The following GLI2 variants were observed in gnomAD, a reference collection of about 807,000 sequenced individuals.
The protein encoded by GLI2 is transcription activator GLI2.
In GLI2, 22 loss-of-function variants were observed where a neutral mutation model predicts 78.9. The ratio of observed to expected loss-of-function variants is 0.28; its 90% CI spans 0.20 to 0.40. The LOEUF (loss-of-function observed/expected upper bound fraction) is 0.40. Among genes scored for constraint, GLI2 ranks in the 10% least tolerant of loss-of-function variants. The pLI, the probability that GLI2 is intolerant of heterozygous loss-of-function variation, is 1.00. For missense variants in GLI2, 2,097 were observed against 2,213.2 expected, an observed-to-expected ratio of 0.95 and a Z score of 1.05; for synonymous variants, 974 against 963.7, an observed-to-expected ratio of 1.01 and a Z score of -0.20.
intron 2 of GLI2, among the ~76,000 whole-genome samples, chr2:120,828,751 C>T (rs748519512): frequency 1.1e-4 from 17 of 149,940 alleles, no homozygotes; most frequent in Admixed American, 2.0e-4. Context: ...CCAAACAAAA[C>T]GGTAAAATGA....
intron 1 of GLI2, among the ~76,000 whole-genome samples, chr2:120,755,528 G>A (rs1683012905): frequency 6.6e-6 from 1 of 151,958 alleles, no homozygotes. Flanking sequence ...ATCCCAGCCT[G>A]TGGCTTATCT....
intron 3 of GLI2, among the ~76,000 whole-genome samples, chr2:120,934,969 G>A (rs1680124135): frequency 6.6e-6 from 1 of 152,186 alleles, no homozygotes; most frequent in Admixed American, 6.5e-5. Flanking sequence ...GGGCCTTTAT[G>A]ACTCTGTCCT....
chr2:120,899,720 C>T (rs1043605263), intron 2 of GLI2, among the ~76,000 whole-genome samples: 1 of 152,180 alleles, frequency 6.6e-6, no homozygotes, highest in Non-Finnish European at 1.5e-5. Flanking sequence ...TGCCCATCTT[C>T]CTCTTTCTTG....
intron 2 of GLI2, among the ~76,000 whole-genome samples, chr2:120,844,674 G>A (rs1056732795): frequency 2.6e-5 from 4 of 152,156 alleles, no homozygotes; most frequent in African/African-American, 9.7e-5. Context: ...GGAGGTTGTG[G>A]TTTCAGTTTG....
At chr2:120,835,586 A>T (rs1460155693) in intron 2 of GLI2, among the ~76,000 whole-genome samples, 1 of 152,020 alleles carries the variant, frequency 6.6e-6, no homozygotes, top group Non-Finnish European at 1.5e-5. Context: ...GGGTTTCACC[A>T]TGTTGACCAG....
At chr2:120,887,955 C>T (rs914994813) in intron 2 of GLI2, among the ~76,000 whole-genome samples, 3 of 152,236 alleles carry the variant, frequency 2.0e-5, no homozygotes, top group Admixed American at 2.0e-4. Context: ...GAGAGGGGAG[C>T]TGCAGCTTGG....
intron 3 of GLI2, among the ~76,000 whole-genome samples, chr2:120,948,607 A>G (rs1161747680): frequency 6.6e-6 from 1 of 152,274 alleles, no homozygotes; most frequent in African/African-American, 2.4e-5. Context: ...CGGGCCTCTC[A>G]GGGGAGGCTC....
At chr2:120,923,027 C>T (rs1479490980) in intron 2 of GLI2, among the ~76,000 whole-genome samples, 1 of 152,096 alleles carries the variant, frequency 6.6e-6, no homozygotes, top group Non-Finnish European at 1.5e-5. Context: ...CCTCCTCCAA[C>T]ACACACCACA....
Position 120,927,464 on chromosome 2 carries a change from C to G in GLI2, c.252C>G (p.His84Gln). The G allele has an allele frequency of 6.2e-7, 1 of 1,601,922 alleles. No individual in the cohort carries two copies. The highest frequency in any genetic ancestry group is 8.6e-7 in the Non-Finnish European group (1 of 1,168,914). Residue 84 changes from histidine (H) to glutamine (Q), a missense_variant and splice_region_variant, in exon 3 of 14, where the codon CAC becomes CAG. Transcript: ENST00000361492. ...HYEPHSVHGV[H>Q]GPPALSGSPV... ...AGCCTCATTCTGTCCACGGTGTGCA[C>G]GGGTAAGTCCTGCCCTCTGCCTGCT...
intron 2 of GLI2, among the ~76,000 whole-genome samples, chr2:120,798,678 T>C (rs955503325): frequency 1.3e-5 from 2 of 152,054 alleles, no homozygotes; most frequent in Admixed American, 6.5e-5. Flanking sequence ...GGACGGGGAC[T>C]CTCTAGGCCC....
intron 2 of GLI2, among the ~76,000 whole-genome samples, chr2:120,854,615 A>G (rs1195782912): frequency 6.6e-6 from 1 of 152,186 alleles, no homozygotes; most frequent in Non-Finnish European, 1.5e-5. Flanking sequence ...CACGATGTGT[A>G]TGTTCTGAGG....
intron 3 of GLI2, among the ~76,000 whole-genome samples, chr2:120,932,744 A>G (rs779111959): frequency 6.6e-6 from 1 of 152,230 alleles, no homozygotes; most frequent in Non-Finnish European, 1.5e-5. Flanking sequence ...TATGAGCAAC[A>G]ATCGTGATCA....
chr2:120,896,660 C>CACAT (rs1349007343), intron 2 of GLI2, among the ~76,000 whole-genome samples: 1 of 29,554 alleles, frequency 3.4e-5, no homozygotes, highest in African/African-American at 1.3e-4. Context: ...CACACACACA[C>CACAT]ATACACCCAC....
At chr2:120,971,656 G>A (rs1323357818) in intron 7 of GLI2, among the ~76,000 whole-genome samples, 1 of 152,198 alleles carries the variant, frequency 6.6e-6, no homozygotes, top group Admixed American at 6.5e-5. Flanking sequence ...CAGGAGCAAG[G>A]GCACCCTGCA....
intron 2 of GLI2, among the ~76,000 whole-genome samples, chr2:120,912,511 G>A (rs1282321596): frequency 1.3e-5 from 2 of 152,130 alleles, no homozygotes; most frequent in African/African-American, 4.8e-5. Flanking sequence ...TCCCAGCAAA[G>A]AGAAATACTG....
chr2:120,912,681 C>T (rs984399406), intron 2 of GLI2, among the ~76,000 whole-genome samples: 6 of 152,338 alleles, frequency 3.9e-5, no homozygotes, highest in Admixed American at 1.3e-4. Context: ...TCTCCACGGT[C>T]CTGCCGCACT....
At chr2:120,770,633 G>A (rs749305504) in intron 1 of GLI2, among the ~76,000 whole-genome samples, 2 of 152,182 alleles carry the variant, frequency 1.3e-5, no homozygotes, top group Admixed American at 1.3e-4. Flanking sequence ...TTTCTGGCTT[G>A]CCTCTCTCGT....
At chr2:120,859,159 T>C (rs1254389339) in intron 2 of GLI2, among the ~76,000 whole-genome samples, 1 of 152,230 alleles carries the variant, frequency 6.6e-6, no homozygotes, top group African/African-American at 2.4e-5. Flanking sequence ...CCTTAGGATC[T>C]CCAAAACGTC....
intron 2 of GLI2, among the ~76,000 whole-genome samples, chr2:120,907,111 C>G (rs562799173): frequency 2.6e-5 from 4 of 152,272 alleles, no homozygotes; most frequent in African/African-American, 9.6e-5. Context: ...TCAAACAAGC[C>G]TAGTCGCAGC....
Sources: allele counts gnomAD v4.1 joint callset (sites outside exome capture counted in the v4.1 genomes callset), GRCh38; gene constraint gnomAD v4.1.1; transcripts MANE v1.5; gene names NCBI Gene and HGNC (gene_info 2026-07-23, HGNC 2026-07-21).